Variants in DPYD observed in about 807,000 individuals in gnomAD.
DPYD encodes dihydropyrimidine dehydrogenase [NADP(+)].
DPYD carries 109 observed loss-of-function variants against 116.2 expected under a neutral mutation model. The ratio of observed to expected loss-of-function variants is 0.94; its 90% CI spans 0.80 to 1.10. The LOEUF is 1.10. DPYD is among the 50% of genes least tolerant of loss of function. DPYD has a pLI of 0.00. For missense variants in DPYD, 1,302 were observed against 1,254.5 expected (o/e 1.04, Z -0.57); for synonymous variants, 440 against 432.0 (o/e 1.02, Z -0.23).
intron 13 of DPYD, among the ~76,000 whole-genome samples, chr1:97,514,562 T>C (rs1648060092): frequency 6.6e-6 from 1 of 151,886 alleles, no homozygotes; most frequent in Admixed American, 6.6e-5. Context: ...TACAAGGTTA[T>C]AAACAATTGA....
intron 16 of DPYD, among the ~76,000 whole-genome samples, chr1:97,315,295 G>A (rs2101073400): frequency 6.6e-6 from 1 of 151,930 alleles, no homozygotes; most frequent in Middle Eastern, 3.4e-3. Flanking sequence ...GCTCCTTTCA[G>A]GGAGACCCCA....
At chr1:97,315,031 G>T (rs1667733409) in intron 16 of DPYD, among the ~76,000 whole-genome samples, 1 of 151,940 alleles carries the variant, frequency 6.6e-6, no homozygotes, top group South Asian at 2.1e-4. Flanking sequence ...CAATTTAAAG[G>T]GTTAACTTTC....
chr1:97,777,395 T>C (rs1204228766), intron 3 of DPYD, among the ~76,000 whole-genome samples: 2 of 152,186 alleles, frequency 1.3e-5, no homozygotes, highest in African/African-American at 4.8e-5. Context: ...CTAATTTCTC[T>C]TCCCTTTGAA....
chr1:97,478,155 G>A (rs1270207710), intron 13 of DPYD, among the ~76,000 whole-genome samples: 2 of 152,178 alleles, frequency 1.3e-5, no homozygotes, highest in Non-Finnish European at 2.9e-5. Flanking sequence ...TTGTCAAGAA[G>A]GAGTCAGTAG....
chr1:97,722,903 C>T (rs991354468), intron 4 of DPYD, among the ~76,000 whole-genome samples: 14 of 151,254 alleles, frequency 9.3e-5, no homozygotes, highest in African/African-American at 3.4e-4. Flanking sequence ...GAGACAGGAC[C>T]AAACGCCTGA....
At chr1:97,454,213 G>C (rs1222690375) in intron 13 of DPYD, among the ~76,000 whole-genome samples, 7 of 151,866 alleles carry the variant, frequency 4.6e-5, no homozygotes, top group African/African-American at 7.2e-5. Flanking sequence ...CCACTGAATT[G>C]AGACTTTTAG....
chr1:97,904,186 T>A (rs1673497162), intron 1 of DPYD, among the ~76,000 whole-genome samples: 1 of 151,954 alleles, frequency 6.6e-6, no homozygotes, highest in Non-Finnish European at 1.5e-5. Context: ...ACAAAGTTGT[T>A]TGTTTATTTT....
At chr1:97,572,563 T>C (rs936315021) in intron 11 of DPYD, among the ~76,000 whole-genome samples, 1 of 152,096 alleles carries the variant, frequency 6.6e-6, no homozygotes, top group Non-Finnish European at 1.5e-5. Context: ...GTACATAGTA[T>C]TTAATAGTAA....
chr1:97,618,377 CTT>C (rs71758165), intron 8 of DPYD, among the ~76,000 whole-genome samples: 111 of 136,356 alleles, frequency 8.1e-4, no homozygotes, highest in Non-Finnish European at 1.4e-3. Context: ...GATTTTTTTT[CTT>C]TTTTTTTTTT....
intron 8 of DPYD, among the ~76,000 whole-genome samples, chr1:97,641,646 C>G (rs896729737): frequency 2.0e-5 from 3 of 152,174 alleles, no homozygotes; most frequent in Non-Finnish European, 4.4e-5. Context: ...CAATATCACA[C>G]TGAATGGGCA....
rs997717648 is a variant in DPYD at position 97,229,152 on chromosome 1, T to G, written c.2442+5700A>C. Among the ~76,000 whole-genome samples the G allele has an allele frequency of 3.0e-5, 4 of 134,574 alleles. No individual in the cohort carries two copies. In the East Asian group the frequency reaches 8.5e-4, roughly 28 times the overall value. 88.3% of individuals were successfully genotyped at this position (134,574 alleles called of 152,430 possible). ...CCGGGAGGCGGAGCTTGCTGTGAGC[T>G]GAGATTGCGTCACTGCACTCCAGCC... On this transcript the variant is annotated intron_variant, in intron 19 of 22. Coordinates refer to ENST00000370192, the MANE Select transcript of DPYD (RefSeq NM_000110.4).
At position 97,361,678 on chromosome 1, in the gene DPYD, A is replaced by C. The variant is rs148215580; in HGVS notation, c.2058+11883T>G. Among the ~76,000 whole-genome samples the C allele has an allele frequency of 5.4e-3, 829 of 152,346 alleles. 10 individuals are homozygous for C. The highest frequency in any genetic ancestry group is 0.019 in the African/African-American group (774 of 41,574). On this transcript the variant is annotated intron_variant, in intron 16 of 22. Transcript: ENST00000370192. ...CGCAAATCAATAAATGTAATCCATC[A>C]CATAAAGAGAATCAATGACAAAAAC...
intron 13 of DPYD, among the ~76,000 whole-genome samples, chr1:97,463,462 T>C (rs1048278271): frequency 6.6e-6 from 1 of 152,170 alleles, no homozygotes; most frequent in African/African-American, 2.4e-5. Flanking sequence ...TGGGTGTGTA[T>C]TTATTAGCAG....
At chr1:97,594,501 C>T (rs1158063712) in intron 9 of DPYD, among the ~76,000 whole-genome samples, 1 of 152,108 alleles carries the variant, frequency 6.6e-6, no homozygotes, top group Non-Finnish European at 1.5e-5. Flanking sequence ...TAAAAATATA[C>T]ATTTGAAGGA....
At chr1:97,119,369 C>T (rs1288368898) in intron 20 of DPYD, among the ~76,000 whole-genome samples, 2 of 152,072 alleles carry the variant, frequency 1.3e-5, no homozygotes, top group Non-Finnish European at 2.9e-5. Context: ...TGTGATTTGA[C>T]AGGAAGATGA....
In DPYD at chr1:97,779,832, G is replaced by C. The variant is rs148120796; in HGVS notation, c.234-39353C>G. ...GTTTCTATGGAAAGATAAGAATTTAGAAGTTGAACAACTAGAACCAACTCT... is the reference window on the plus strand; with the variant it reads ...GTTTCTATGGAAAGATAAGAATTTACAAGTTGAACAACTAGAACCAACTCT... On this transcript the variant is annotated intron_variant, in intron 3 of 22. Coordinates refer to ENST00000370192, the MANE Select transcript of DPYD (RefSeq NM_000110.4). Among the ~76,000 whole-genome samples, 346 of 152,014 alleles carry C rather than the reference G, an allele frequency of 2.3e-3. 6 individuals carry two copies. The highest frequency in any genetic ancestry group is 0.019 in the Admixed American group (288 of 15,246).
intron 1 of DPYD, among the ~76,000 whole-genome samples, chr1:97,912,841 C>A (rs1558049892): frequency 1.3e-5 from 2 of 152,076 alleles, no homozygotes; most frequent in Admixed American, 6.6e-5. Flanking sequence ...CCCCAGCACT[C>A]CTCAATATTT....
In DPYD at chr1:97,691,776, G is replaced by C; in HGVS notation, c.703C>G (p.Arg235Gly). The C allele has an allele frequency of 6.2e-7, 1 of 1,613,400 alleles. No individual in the cohort carries two copies. The highest frequency in any genetic ancestry group is 8.5e-7 in the Non-Finnish European group (1 of 1,179,710). Reference protein sequence around the residue: ...GLSTSEIPQFRLPYDVVNFEI... With the variant: ...GLSTSEIPQFGLPYDVVNFEI... ...AAATTCACTACATCATACGGCAGCC[G>C]GAACTGAGGAATTTCAGAAGTACTG... Residue 235 changes from arginine to glycine, a missense_variant, in exon 7 of 23, where the codon CGG (arginine) becomes GGG (glycine). By Grantham distance (125) the Arg-to-Gly change is moderately radical. Transcript: ENST00000370192.
intron 16 of DPYD, among the ~76,000 whole-genome samples, chr1:97,344,717 T>C (rs1015915506): frequency 6.6e-6 from 1 of 151,922 alleles, no homozygotes; most frequent in Non-Finnish European, 1.5e-5. Flanking sequence ...ATTGTGTACA[T>C]GCCATAAGTT....
Sources: gnomAD v4.1 joint callset for allele counts (sites outside exome capture counted in the v4.1 genomes callset) on GRCh38, gnomAD v4.1.1 for gene constraint, MANE v1.5 for transcripts, NCBI Gene and HGNC (gene_info 2026-07-23, HGNC 2026-07-21) for gene names.